The following COP1 variants were observed in gnomAD, a reference collection of about 807,000 sequenced individuals.
The protein encoded by COP1 is E3 ubiquitin-protein ligase COP1.
In COP1, 24 loss-of-function variants were observed where a neutral mutation model predicts 101.3. The ratio of observed to expected loss-of-function variants is 0.24; its 90% confidence interval spans 0.17 to 0.33. The LOEUF (loss-of-function observed/expected upper bound fraction) is 0.33, where lower values mean the gene tolerates loss of function less well. COP1 is among the 10% of genes least tolerant of loss of function. The probability of loss-of-function intolerance (pLI) is 1.00; values close to 1 mark genes in which losing one functional copy is unlikely to be tolerated. For synonymous variants in COP1, 347 were observed against 341.9 expected (o/e 1.01, Z -0.17); for missense variants, 663 against 906.2 (o/e 0.73, Z 3.45).
chr1:176,028,149 T>C (rs1667999180), intron 14 of COP1, among the ~76,000 whole-genome samples: 1 of 152,112 alleles, frequency 6.6e-6, no homozygotes, highest in African/African-American at 2.4e-5. Context: ...CCTTGACACA[T>C]GGGGATTATC....
At chr1:176,122,514 C>A (rs1325347863) in intron 8 of COP1, among the ~76,000 whole-genome samples, 1 of 152,090 alleles carries the variant, frequency 6.6e-6, no homozygotes, top group African/African-American at 2.4e-5. Flanking sequence ...AAGTACTAGG[C>A]CACAGAGTAC....
chr1:175,988,010 A>C (rs917728188), intron 17 of COP1, among the ~76,000 whole-genome samples: 22 of 152,338 alleles, frequency 1.4e-4, no homozygotes, highest in African/African-American at 5.1e-4. Flanking sequence ...CAATATCTAA[A>C]GAATTATGTT....
At chr1:175,964,331 A>G (rs1651741348) in intron 18 of COP1, among the ~76,000 whole-genome samples, 1 of 152,174 alleles carries the variant, frequency 6.6e-6, no homozygotes, top group South Asian at 2.1e-4. Context: ...AAACAAAACA[A>G]AAACAAAAAA....
At chr1:176,009,973 A>G (rs1402912961) in intron 15 of COP1, among the ~76,000 whole-genome samples, 1 of 151,964 alleles carries the variant, frequency 6.6e-6, no homozygotes, top group African/African-American at 2.4e-5. Context: ...AGTATGCTTA[A>G]TAATGAGGAA....
At chr1:176,053,318 A>G (rs922237087) in intron 11 of COP1, among the ~76,000 whole-genome samples, 2 of 151,838 alleles carry the variant, frequency 1.3e-5, no homozygotes, top group African/African-American at 4.8e-5. Context: ...CTTCTTCGTC[A>G]TTTTTCTCTC....
chr1:176,170,605 T>C (rs377220760), intron 3 of COP1, among the ~76,000 whole-genome samples: 2 of 152,192 alleles, frequency 1.3e-5, no homozygotes, highest in African/African-American at 4.8e-5. Flanking sequence ...AAAAGAGATA[T>C]GCTGTCTTCA....
At chr1:176,029,509 G>A (rs561556592) in intron 14 of COP1, among the ~76,000 whole-genome samples, 1 of 152,268 alleles carries the variant, frequency 6.6e-6, no homozygotes, top group African/African-American at 2.4e-5. Context: ...CATCCTGGAT[G>A]CACATTAGAA....
intron 19 of COP1, among the ~76,000 whole-genome samples, chr1:175,946,500 G>T (rs576191035): frequency 6.6e-6 from 1 of 152,316 alleles, no homozygotes; most frequent in African/African-American, 2.4e-5. Flanking sequence ...CAGAGAATAT[G>T]TGGAAAAAAC....
intron 15 of COP1, among the ~76,000 whole-genome samples, chr1:175,993,595 A>T (rs1659262785): frequency 6.6e-6 from 1 of 152,248 alleles, no homozygotes; most frequent in African/African-American, 2.4e-5. Context: ...TACGTGAAGA[A>T]TGCAGAACCC....
intron 11 of COP1, among the ~76,000 whole-genome samples, chr1:176,069,238 G>A (rs532929834): frequency 1.4e-4 from 21 of 152,124 alleles, no homozygotes; most frequent in South Asian, 1.0e-3. Context: ...ACAGTAATAC[G>A]TGGTTTTGGA....
At chr1:176,185,475 T>C (rs1483893102) in intron 1 of COP1, among the ~76,000 whole-genome samples, 1 of 152,186 alleles carries the variant, frequency 6.6e-6, no homozygotes, top group African/African-American at 2.4e-5. Context: ...ATACTCAAAA[T>C]CCCAGCCTTT....
At chr1:176,085,917 CT>C in intron 9 of COP1, 27 bp from the exon 10 acceptor site, 2 of 1,317,006 alleles carry the variant, frequency 1.5e-6, no homozygotes, top group Non-Finnish European at 2.2e-6. Flanking sequence ...AGACACAAAA[CT>C]TAGAATAAAC....
At chr1:175,996,433 A>T (rs1193400086) in intron 15 of COP1, among the ~76,000 whole-genome samples, 5 of 151,086 alleles carry the variant, frequency 3.3e-5, no homozygotes, top group African/African-American at 9.8e-5. Context: ...AAGGGTATTC[A>T]ATTAGGAAAA....
chr1:176,093,308 C>T (rs2149463994), intron 9 of COP1, among the ~76,000 whole-genome samples: 1 of 152,232 alleles, frequency 6.6e-6, no homozygotes, highest in South Asian at 2.1e-4. Flanking sequence ...AAAAGTTTTG[C>T]TATATTTCTA....
At chr1:175,997,099 C>T (rs1660358441) in intron 15 of COP1, among the ~76,000 whole-genome samples, 2 of 151,874 alleles carry the variant, frequency 1.3e-5, no homozygotes, top group African/African-American at 2.4e-5. Flanking sequence ...ATGCCGCGTA[C>T]CTACAACTAT....
At chr1:176,178,892 G>A (rs768698799) in intron 2 of COP1, among the ~76,000 whole-genome samples, 15 of 151,772 alleles carry the variant, frequency 9.9e-5, no homozygotes, top group Middle Eastern at 7.0e-3. Flanking sequence ...GAGACATGCC[G>A]GGCTGGGTAT....
intron 3 of COP1, among the ~76,000 whole-genome samples, chr1:176,164,839 A>AT (rs79339960): frequency 2.1e-4 from 31 of 151,086 alleles, no homozygotes; most frequent in African/African-American, 4.1e-4. Context: ...CAAAAAACTG[A>AT]TTTTTTTTTT....
chr1:176,054,351 AG>A (rs1425597840), intron 11 of COP1, among the ~76,000 whole-genome samples: 1 of 151,722 alleles, frequency 6.6e-6, no homozygotes, highest in Non-Finnish European at 1.5e-5. Context: ...TAGTAGAGAC[AG>A]GGTTTCACCA....
At chr1:176,160,302 C>T (rs935979035) in intron 5 of COP1, 16 of 345,614 alleles carry the variant, frequency 4.6e-5, no homozygotes, top group Non-Finnish European at 7.1e-5. Flanking sequence ...TTCTGGGACA[C>T]GAGTGCAGAA....
Sources: gnomAD v4.1 joint callset for allele counts (sites outside exome capture counted in the v4.1 genomes callset) on GRCh38, gnomAD v4.1.1 for gene constraint, MANE v1.5 for transcripts, NCBI Gene and HGNC (gene_info 2026-07-23, HGNC 2026-07-21) for gene names.